Variants in FIBCD1 observed in about 807,000 individuals in gnomAD.
FIBCD1 encodes the protein fibrinogen C domain containing 1.
A neutral mutation model predicts 45.1 loss-of-function variants in FIBCD1; 47 were observed. The observed-to-expected ratio is 1.04, with a 90% CI of 0.82 to 1.33. The LOEUF (loss-of-function observed/expected upper bound fraction) is 1.33, where lower values mean the gene tolerates loss of function less well. FIBCD1 is among the 40% of genes most tolerant of loss of function. FIBCD1 has a pLI of 0.00. For missense variants in FIBCD1, 653 were observed against 682.2 expected (o/e 0.96, Z 0.48); for synonymous variants, 313 against 308.1 (o/e 1.02, Z -0.17).
Position 130,911,890 on chromosome 9 carries a change from T to A in FIBCD1, c.850-2A>T, listed in dbSNP as rs1008062686. 3 of 1,570,704 alleles carry A rather than the reference T, an allele frequency of 1.9e-6. No homozygotes were observed. In the Admixed American group the frequency reaches 5.6e-5, roughly 29 times the overall value. On this transcript the variant is annotated splice_acceptor_variant, in intron 4 of 6. Transcript: ENST00000372338. LOFTEE classifies it high-confidence loss of function. ...GCCGTCCTCCCGGCGCTGAAACACC[T>A]GCAAAGGGAAGATGGGGATGGGGCG...
At chr9:130,920,143 C>A (rs1426610985) in intron 4 of FIBCD1, among the ~76,000 whole-genome samples, 9 of 150,804 alleles carry the variant, frequency 6.0e-5, no homozygotes, top group Non-Finnish European at 3.0e-5. Flanking sequence ...AGGGACGTGA[C>A]CCTGGCATCT....
chr9:130,912,175 G>T (rs750541782), intron 4 of FIBCD1, among the ~76,000 whole-genome samples: 4 of 152,198 alleles, frequency 2.6e-5, no homozygotes, highest in Non-Finnish European at 5.9e-5. Context: ...GGTGGCTCAT[G>T]CCCGGAATCC....
intron 1 of FIBCD1, among the ~76,000 whole-genome samples, chr9:130,935,011 T>TC (rs944358860): frequency 6.6e-6 from 1 of 151,890 alleles, no homozygotes; most frequent in African/African-American, 2.4e-5. Flanking sequence ...GTGAGTTTGT[T>TC]CCCCCCGTGA....
At chr9:130,912,021 T>C in intron 4 of FIBCD1, 133 bp from the exon 5 acceptor site, 1 of 749,296 alleles carries the variant, frequency 1.3e-6, no homozygotes, top group South Asian at 1.8e-5. Context: ...AGGGGCCTGG[T>C]TGCCCACTTC....
At chr9:130,924,092 T>A (rs1215046684) in intron 3 of FIBCD1, 145 bp downstream of exon 3, 46 of 1,281,320 alleles carry the variant, frequency 3.6e-5, no homozygotes, top group East Asian at 5.1e-5. Context: ...ATCTGGAGAA[T>A]GGACCGAGAG....
At chr9:130,911,745 CA>C (rs1564334252) in intron 5 of FIBCD1, 46 bp downstream of exon 5, 1 of 1,530,730 alleles carries the variant, frequency 6.5e-7, no homozygotes, top group East Asian at 2.4e-5. Context: ...GTCCGGAAGG[CA>C]GGGGGAGGAG....
intron 5 of FIBCD1, among the ~76,000 whole-genome samples, chr9:130,910,665 T>C (rs1438231400): frequency 6.6e-6 from 1 of 152,200 alleles, no homozygotes; most frequent in African/African-American, 2.4e-5. Flanking sequence ...TGTATCTAGC[T>C]CAAGGTTTGT....
At chr9:130,915,690 G>A (rs972502841) in intron 4 of FIBCD1, among the ~76,000 whole-genome samples, 6 of 152,110 alleles carry the variant, frequency 3.9e-5, no homozygotes, top group Admixed American at 6.6e-5. Flanking sequence ...TGATAAGAGC[G>A]AGACTCTGTC....
At position 130,930,185 on chromosome 9, in the gene FIBCD1, A is replaced by G. The variant is rs995887876; in HGVS notation, c.73-139T>C. The G allele has an allele frequency of 7.3e-6, 8 of 1,094,682 alleles. No homozygotes were observed. In the Admixed American group the frequency reaches 9.2e-5, roughly 13 times the overall value. 67.8% of individuals were successfully genotyped at this position (1,094,682 alleles called of 1,614,324 possible). On this transcript the variant is annotated intron_variant, in intron 1 of 6. Transcript: ENST00000372338. ...GGCGTGGCACAGAGACTGAGATGAGACAGGCACTGAGAGACAGTCCAAGGG... is the reference window on the plus strand; with the variant it reads ...GGCGTGGCACAGAGACTGAGATGAGGCAGGCACTGAGAGACAGTCCAAGGG...
rs1831910252 is a variant in FIBCD1, at chr9:130,905,393, G to C, written c.967C>G (p.Leu323Val). The change falls in exon 6 of 7, where the codon CTG becomes GTG. Residue 323 changes from leucine to valine, a missense_variant. By Grantham distance (32) the Leu-to-Val change is conservative (BLOSUM62 1). Coordinates refer to ENST00000372338, the MANE Select transcript of FIBCD1 (RefSeq NM_032843.5). ...HWLGLKRIHA[L>V]TTQAAYELHV... The stretch of plus-strand genomic sequence containing the variant: ...AGCTCGTAGGCAGCCTGTGTGGTCA[G>C]GGCGTGGATCCTCTTGAGCCCTGAA... 1 of 1,613,520 alleles carries C rather than the reference G, an allele frequency of 6.2e-7. No individual in the cohort carries two copies. The highest frequency in any genetic ancestry group is 8.5e-7 in the Non-Finnish European group (1 of 1,179,726).
At position 130,910,236 on chromosome 9, in the gene FIBCD1, C is replaced by T. The variant is rs1035815226; in HGVS notation, c.946+1556G>A. ...CAGAGCAGCCGACCAGCCCCGCTGG[C>T]CCCGGGGCAATGAGGAACTTAGCAC... is the stretch of plus-strand genomic sequence containing the variant. On this transcript the variant is annotated intron_variant, in intron 5 of 6. Transcript: ENST00000372338. Among the ~76,000 whole-genome samples the T allele has an allele frequency of 2.4e-5, 3 of 124,648 alleles. No individual in the cohort carries two copies. In the East Asian group the frequency reaches 9.2e-4, roughly 38 times the overall value. The allele number at this position is 124,648 out of a possible 152,430, so 81.8% of individuals were successfully genotyped here.
chr9:130,910,250 G>A (rs1023863154), intron 5 of FIBCD1, among the ~76,000 whole-genome samples: 1 of 152,212 alleles, frequency 6.6e-6, no homozygotes, highest in African/African-American at 2.4e-5. Flanking sequence ...GGGGCAATGA[G>A]GAACTTAGCA....
chr9:130,911,973 C>T (rs770468815), intron 4 of FIBCD1, 85 bp from the exon 5 acceptor site: 34 of 1,260,422 alleles, frequency 2.7e-5, no homozygotes, highest in Non-Finnish European at 3.4e-5. Flanking sequence ...CCCAGAGACT[C>T]CCCTCACCCT....
chr9:130,930,422 A>C (rs1832430776), intron 1 of FIBCD1, among the ~76,000 whole-genome samples: 1 of 150,896 alleles, frequency 6.6e-6, no homozygotes, highest in Admixed American at 6.6e-5. Context: ...ACGCGGGGAG[A>C]CACGGGGAGA....
At chr9:130,928,482 G>A (rs754041073) in intron 2 of FIBCD1, among the ~76,000 whole-genome samples, 2 of 152,340 alleles carry the variant, frequency 1.3e-5, no homozygotes, top group South Asian at 2.1e-4. Flanking sequence ...GCTGGAAGGC[G>A]GTCTAAACAT....
In FIBCD1 at chr9:130,904,945, A is replaced by G. The variant is rs527556105; in HGVS notation, c.1126+289T>C. On this transcript the variant is annotated intron_variant, in intron 6 of 6. Transcript: ENST00000372338. The stretch of plus-strand genomic sequence containing the variant: ...CATGCAACTGAATCAACTGATGAAG[A>G]CAAGGACTGAGGGATCCTTGGTAAG... 2.0e-5 allele frequency among the ~76,000 whole-genome samples: 3 copies of G among 152,358 alleles called. No homozygotes were observed. In the East Asian group the frequency reaches 5.8e-4, roughly 29 times the overall value.
At chr9:130,929,487 A>G (rs1210169569) in intron 2 of FIBCD1, 80 bp downstream of exon 2, 33 of 1,458,470 alleles carry the variant, frequency 2.3e-5, no homozygotes, top group Middle Eastern at 1.8e-4. Flanking sequence ...GGCCATGGAC[A>G]TCAGGCGCCT....
chr9:130,931,450 A>G (rs931095802), intron 1 of FIBCD1, among the ~76,000 whole-genome samples: 1 of 152,218 alleles, frequency 6.6e-6, no homozygotes, highest in Non-Finnish European at 1.5e-5. Flanking sequence ...TGGAGGTTAC[A>G]GTGAGCCAAG....
chr9:130,933,727 T>TGGG (rs1179362614), intron 1 of FIBCD1: 7 of 51,448 alleles, frequency 1.4e-4, no homozygotes, highest in Non-Finnish European at 2.0e-4. Flanking sequence ...GGCGGGCGGG[T>TGGG]GGGGGGGGGG....
Sources: gnomAD v4.1 joint callset for allele counts (sites outside exome capture counted in the v4.1 genomes callset) on GRCh38, gnomAD v4.1.1 for gene constraint, MANE v1.5 for transcripts, NCBI Gene and HGNC (gene_info 2026-07-23, HGNC 2026-07-21) for gene names.